LEF1: variants seen among roughly 807,000 people sequenced by gnomAD.
LEF1 encodes the protein lymphoid enhancer-binding factor 1.
Under a neutral mutation model 51.2 loss-of-function variants are expected in LEF1, and 14 were observed. The observed-to-expected ratio is 0.27, with a 90% confidence interval of 0.18 to 0.43. The LOEUF (loss-of-function observed/expected upper bound fraction) is 0.43. Ranked by LOEUF, LEF1 falls within the 20% of genes least tolerant of loss-of-function variation. The probability of loss-of-function intolerance (pLI) is 1.00; values close to 1 mark genes in which losing one functional copy is unlikely to be tolerated. For synonymous variants in LEF1, 185 were observed against 183.2 expected (o/e 1.01, Z -0.08); for missense variants, 386 against 512.0 (o/e 0.75, Z 2.37).
In LEF1 at chr4:108,168,679, C is replaced by T. The variant is rs1745566258; in HGVS notation, c.-912G>A. On this transcript the variant is annotated 5_prime_UTR_variant, in exon 1 of 12. Transcript: ENST00000265165. The surrounding 1 kb of genome is among the most constrained non-coding windows in gnomAD (Gnocchi z 4.6). Reference sequence around the variant, plus strand: ...CCGACACACACACTCAGTCCGACCCCTCTTTGTTCCCGGCTCGAGTTTCTC... The same window carrying T: ...CCGACACACACACTCAGTCCGACCCTTCTTTGTTCCCGGCTCGAGTTTCTC... 1 of 152,288 alleles carries T rather than the reference C, an allele frequency of 6.6e-6. No homozygotes were observed. Among genetic ancestry groups the T allele is most frequent in the Non-Finnish European group, 1.5e-5 (1 of 68,122 alleles). The allele number at this position is 152,288 out of a possible 1,614,324, so 9.4% of individuals were successfully genotyped here.
At chr4:108,077,411 G>A (rs957967183) in intron 8 of LEF1, among the ~76,000 whole-genome samples, 26 of 149,706 alleles carry the variant, frequency 1.7e-4, no homozygotes, top group South Asian at 1.1e-3. Context: ...CCCGGCTGCC[G>A]CCCCGTCTGG....
chr4:108,079,438 T>C (rs768667273), intron 7 of LEF1, 54 bp downstream of exon 7: 138 of 1,598,762 alleles, frequency 8.6e-5, no homozygotes, highest in Non-Finnish European at 1.1e-4. Context: ...AGCAACAGTG[T>C]AGAAATCCTC....
At chr4:108,078,491 G>A (rs756120040) in intron 7 of LEF1, 109 bp from the exon 8 acceptor site, 12 of 1,404,466 alleles carry the variant, frequency 8.5e-6, no homozygotes, top group East Asian at 2.3e-5. Context: ...TCAGGATGGC[G>A]ACAACCCTCT....
At chr4:108,073,749 A>G (rs1418325899) in intron 8 of LEF1, among the ~76,000 whole-genome samples, 1 of 152,162 alleles carries the variant, frequency 6.6e-6, no homozygotes, top group Non-Finnish European at 1.5e-5. Context: ...GAAACTGAAT[A>G]AAAGGCAAGG....
chr4:108,069,961 A>G (rs1297006838), intron 9 of LEF1, among the ~76,000 whole-genome samples: 1 of 150,478 alleles, frequency 6.6e-6, no homozygotes, highest in Non-Finnish European at 1.5e-5. Context: ...CTGTCTCAAA[A>G]AAAAAAAAAA....
chr4:108,157,179 T>TATATATACAC (rs780217431), intron 3 of LEF1, among the ~76,000 whole-genome samples: 10 of 116,790 alleles, frequency 8.6e-5, no homozygotes, highest in Admixed American at 5.0e-4. Flanking sequence ...TATATATATA[T>TATATATACAC]ACACACACAC....
At chr4:108,050,804 G>T (rs539350212) in intron 11 of LEF1, among the ~76,000 whole-genome samples, 170 of 152,200 alleles carry the variant, frequency 1.1e-3, no homozygotes, top group African/African-American at 3.9e-3. Flanking sequence ...CCCTTCTGTT[G>T]GGCCATCCCA....
chr4:108,138,453 G>T (rs1235182206), intron 3 of LEF1, among the ~76,000 whole-genome samples: 2 of 152,014 alleles, frequency 1.3e-5, no homozygotes, highest in Admixed American at 6.6e-5. Context: ...CAGGCAATCT[G>T]ACTCATGAGC....
At chr4:108,164,980 TGGGCA>T in intron 2 of LEF1, 112 bp downstream of exon 2, 1 of 747,494 alleles carries the variant, frequency 1.3e-6, no homozygotes, top group Non-Finnish European at 2.3e-6. Flanking sequence ...ATTAAAATAG[TGGGCA>T]TAGTCTGACC....
chr4:108,162,441 T>G (rs893382631), intron 3 of LEF1, among the ~76,000 whole-genome samples: 21 of 152,216 alleles, frequency 1.4e-4, no homozygotes, highest in African/African-American at 4.8e-4. Context: ...TGTTGATAAC[T>G]GTTGATTTTG....
intron 11 of LEF1, among the ~76,000 whole-genome samples, chr4:108,053,287 A>C (rs1465424143): frequency 1.3e-5 from 2 of 152,258 alleles, no homozygotes; most frequent in Non-Finnish European, 2.9e-5. Flanking sequence ...CAGCTCCTTG[A>C]CAGTAAACAT....
intron 9 of LEF1, among the ~76,000 whole-genome samples, chr4:108,067,951 A>C (rs1301378583): frequency 6.6e-6 from 1 of 151,792 alleles, no homozygotes; most frequent in Non-Finnish European, 1.5e-5. Flanking sequence ...CAGGGGTGAA[A>C]ATTCTTCAAC....
intron 3 of LEF1, among the ~76,000 whole-genome samples, chr4:108,129,159 A>C (rs2110347597): frequency 6.6e-6 from 1 of 152,310 alleles, no homozygotes; most frequent in Middle Eastern, 3.4e-3. Flanking sequence ...TACACAGCAG[A>C]AAGTTCCTTT....
At chr4:108,052,620 CAGCAGGA>C (rs559707891) in intron 11 of LEF1, among the ~76,000 whole-genome samples, 18 of 152,304 alleles carry the variant, frequency 1.2e-4, no homozygotes, top group African/African-American at 4.3e-4. Flanking sequence ...CAGACTTCTA[CAGCAGGA>C]AGCAAGCGTG....
intron 3 of LEF1, among the ~76,000 whole-genome samples, chr4:108,089,992 TTTTTTTGAGATGGAG>T (rs1739907941): frequency 6.6e-6 from 1 of 152,190 alleles, no homozygotes; most frequent in Non-Finnish European, 1.5e-5. Flanking sequence ...TACTGTCTTT[TTTTTTTGAGATGGAG>T]TTTCACTGTG....
intron 3 of LEF1, among the ~76,000 whole-genome samples, chr4:108,134,166 C>CAAAAAA (rs11369216): frequency 6.8e-6 from 1 of 146,900 alleles, no homozygotes. Context: ...CCAAATTTAC[C>CAAAAAA]AAAAAAAAAA....
chr4:108,109,509 T>C (rs1253663770), intron 3 of LEF1, among the ~76,000 whole-genome samples: 1 of 152,166 alleles, frequency 6.6e-6, no homozygotes, highest in Admixed American at 6.5e-5. Context: ...TGTAAAATGG[T>C]ATTAAGAACA....
At chr4:108,141,556 T>C (rs1157812954) in intron 3 of LEF1, among the ~76,000 whole-genome samples, 8 of 152,222 alleles carry the variant, frequency 5.3e-5, no homozygotes, top group Non-Finnish European at 1.2e-4. Context: ...CAGTGATTGA[T>C]TTCTGCCTGA....
In LEF1 at chr4:108,048,509, C is replaced by G. The variant is rs1736765987; in HGVS notation, c.*249G>C. 3 of 441,784 alleles carry G rather than the reference C, an allele frequency of 6.8e-6. No individual in the cohort carries two copies. The highest frequency in any genetic ancestry group is 8.1e-5 in the South Asian group (1 of 12,422). The allele number at this position is 441,784 out of a possible 1,614,324, so 27.4% of individuals were successfully genotyped here. Reference sequence around the variant, plus strand: ...GCTTTTACATTTCCTTTTAAAAAACCTTTTTATGCTTTATTTTGGAACTTG... The same window carrying G: ...GCTTTTACATTTCCTTTTAAAAAACGTTTTTATGCTTTATTTTGGAACTTG... On this transcript the variant is annotated 3_prime_UTR_variant, in exon 12 of 12. Transcript: ENST00000265165.
Sources: gnomAD v4.1 joint callset for allele counts (sites outside exome capture counted in the v4.1 genomes callset) on GRCh38, gnomAD v4.1.1 for gene constraint, Gnocchi (gnomAD v3.1) non-coding constraint, MANE v1.5 for transcripts, NCBI Gene and HGNC (gene_info 2026-07-23, HGNC 2026-07-21) for gene names.